TYR: variants seen among roughly 807,000 people sequenced by gnomAD.
TYR encodes the protein tyrosinase.
Under a neutral mutation model 51.5 loss-of-function variants are expected in TYR, and 58 were observed. The ratio of observed to expected loss-of-function variants is 1.13; its 90% CI spans 0.91 to 1.40. The LOEUF is 1.40. Ranked by LOEUF, TYR falls within the 40% of genes most tolerant of loss-of-function variation. TYR has a pLI of 0.00. For missense variants in TYR, 732 were observed against 647.4 expected, an observed-to-expected ratio of 1.13 and a Z score of -1.42; for synonymous variants, 263 against 235.2, an observed-to-expected ratio of 1.12 and a Z score of -1.08.
At chr11:89,233,578 T>C (rs1944076935) in intron 3 of TYR, among the ~76,000 whole-genome samples, 1 of 141,484 alleles carries the variant, frequency 7.1e-6, no homozygotes, top group Non-Finnish European at 1.5e-5. Context: ...ACTTCTTAAA[T>C]AAGATTTGAA....
In TYR at chr11:89,190,510, T is replaced by C. The variant is rs147765276; in HGVS notation, c.820-692T>C. Among the ~76,000 whole-genome samples the C allele has an allele frequency of 3.3e-3, 501 of 152,300 alleles. 1 individual carries two copies. Among genetic ancestry groups the C allele is most frequent in the African/African-American group, 6.6e-3 (273 of 41,572 alleles). On this transcript the variant is annotated intron_variant, in intron 1 of 4. Coordinates refer to ENST00000263321, the MANE Select transcript of TYR (RefSeq NM_000372.5). Reference sequence around the variant, plus strand: ...AAATATTTCCTACAGTTGTACAATATGTGTTTTAAGCTAAGTGCTATTATC... The same window carrying C: ...AAATATTTCCTACAGTTGTACAATACGTGTTTTAAGCTAAGTGCTATTATC...
chr11:89,197,339 T>G (rs1220612468), intron 2 of TYR, among the ~76,000 whole-genome samples: 1 of 152,120 alleles, frequency 6.6e-6, no homozygotes, highest in African/African-American at 2.4e-5. Flanking sequence ...TGTTCACAAA[T>G]CCCTACAGAA....
At chr11:89,222,795 A>G (rs142125460) in intron 2 of TYR, among the ~76,000 whole-genome samples, 95 of 152,250 alleles carry the variant, frequency 6.2e-4, no homozygotes, top group African/African-American at 2.1e-3. Context: ...TTAATTTCCT[A>G]TAGGAATGTA....
chr11:89,220,137 A>G (rs1939253), intron 2 of TYR, among the ~76,000 whole-genome samples: 36,061 of 151,740 alleles, frequency 0.24, 6,660 homozygotes, highest in African/African-American at 0.52. Flanking sequence ...ATCTCAGACT[A>G]GGTAATTAAA....
intron 3 of TYR, among the ~76,000 whole-genome samples, chr11:89,250,126 T>C (rs1362220009): frequency 1.3e-5 from 2 of 151,994 alleles, no homozygotes; most frequent in Non-Finnish European, 2.9e-5. Context: ...AGACAAATCA[T>C]CCATTATTTA....
chr11:89,273,685 A>G (rs1465666968), intron 3 of TYR, among the ~76,000 whole-genome samples: 4 of 151,950 alleles, frequency 2.6e-5, no homozygotes, highest in African/African-American at 9.7e-5. Flanking sequence ...ACATAAAGCA[A>G]TAAATTGAAT....
chr11:89,180,530 G>A (rs1943287405), intron 1 of TYR, among the ~76,000 whole-genome samples: 1 of 151,226 alleles, frequency 6.6e-6, no homozygotes, highest in South Asian at 2.1e-4. Context: ...CTTCATGAAT[G>A]TGTTCAATTT....
At chr11:89,211,517 C>T (rs560590851) in intron 2 of TYR, among the ~76,000 whole-genome samples, 2 of 152,074 alleles carry the variant, frequency 1.3e-5, no homozygotes, top group Admixed American at 1.3e-4. Flanking sequence ...ACTTTAACAC[C>T]CCACTGTCAA....
intron 3 of TYR, among the ~76,000 whole-genome samples, chr11:89,268,635 T>G (rs1944552905): frequency 6.6e-6 from 1 of 151,916 alleles, no homozygotes; most frequent in South Asian, 2.1e-4. Flanking sequence ...AATACACACA[T>G]CCATTATAAT....
chr11:89,257,216 T>C (rs1158536230), intron 3 of TYR, among the ~76,000 whole-genome samples: 2 of 151,914 alleles, frequency 1.3e-5, no homozygotes, highest in East Asian at 3.9e-4. Flanking sequence ...TGGAATGTAG[T>C]AGGACATCGT....
chr11:89,177,948 G>A lies in TYR; in HGVS notation c.-6G>A, dbSNP rs769129779. The stretch of plus-strand genomic sequence containing the variant: ...TCCTGCAGACCTTGTGAGGACTAGA[G>A]GAAGAATGCTCCTGGCTGTTTTGTA... On this transcript the variant is annotated 5_prime_UTR_variant, in exon 1 of 5. Coordinates refer to ENST00000263321, the MANE Select transcript of TYR (RefSeq NM_000372.5). 1.9e-6 allele frequency: 3 copies of A among 1,613,908 alleles called. No individual in the cohort carries two copies. Among genetic ancestry groups the A allele is most frequent in the East Asian group, 2.2e-5 (1 of 44,878 alleles).
Position 89,189,179 on chromosome 11 carries a change from G to A in TYR, c.820-2023G>A, listed in dbSNP as rs141460847. On this transcript the variant is annotated intron_variant, in intron 1 of 4. Transcript: ENST00000263321. ...AAACTTGGGTTGCCATCACAACACT[G>A]CCATTTATTTGCCATATAACCTGAG... Among the ~76,000 whole-genome samples the A allele has an allele frequency of 1.5e-3, 223 of 152,138 alleles. 1 individual carries two copies. Among genetic ancestry groups the A allele is most frequent in the African/African-American group, 5.1e-3 (212 of 41,536 alleles).
intron 2 of TYR, chr11:89,191,920 A>T (rs1943451075): frequency 2.8e-6 from 1 of 360,496 alleles, no homozygotes; most frequent in East Asian, 8.6e-5. Context: ...TTTCCAGAAC[A>T]TTTTGTATTG....
At chr11:89,220,942 C>A (rs1943903833) in intron 2 of TYR, among the ~76,000 whole-genome samples, 1 of 152,046 alleles carries the variant, frequency 6.6e-6, no homozygotes, top group Non-Finnish European at 1.5e-5. Context: ...ACACAAACAC[C>A]GAGGTTAACA....
At chr11:89,210,573 C>A (rs946529554) in intron 2 of TYR, among the ~76,000 whole-genome samples, 1 of 152,258 alleles carries the variant, frequency 6.6e-6, no homozygotes, top group Admixed American at 6.5e-5. Context: ...ACTTCCCCAA[C>A]CTAGCAAGGC....
At chr11:89,202,570 C>CT (rs1156324102) in intron 2 of TYR, among the ~76,000 whole-genome samples, 1 of 149,138 alleles carries the variant, frequency 6.7e-6, no homozygotes, top group Non-Finnish European at 1.5e-5. Flanking sequence ...GCAGTCCTAA[C>CT]GTGTTGATGT....
intron 1 of TYR, among the ~76,000 whole-genome samples, chr11:89,185,282 T>A (rs1486048861): frequency 8.5e-5 from 13 of 152,086 alleles, no homozygotes; most frequent in Admixed American, 8.5e-4. Flanking sequence ...CCTTATGGCC[T>A]AGGACAGAGT....
At chr11:89,228,127 T>C (rs181126273) in intron 3 of TYR, among the ~76,000 whole-genome samples, 157 bp downstream of exon 3, 2 of 152,272 alleles carry the variant, frequency 1.3e-5, no homozygotes, top group Admixed American at 1.3e-4. Context: ...GCTAAGAATT[T>C]GCATGCAAAT....
chr11:89,186,200 G>A (rs1943370082), intron 1 of TYR, among the ~76,000 whole-genome samples: 1 of 152,138 alleles, frequency 6.6e-6, no homozygotes, highest in South Asian at 2.1e-4. Flanking sequence ...ATGGTTGCCT[G>A]ACTCGAGATA....
Sources: gnomAD v4.1 joint callset for allele counts (sites outside exome capture counted in the v4.1 genomes callset) on GRCh38, gnomAD v4.1.1 for gene constraint, MANE v1.5 for transcripts, NCBI Gene and HGNC (gene_info 2026-07-23, HGNC 2026-07-21) for gene names.